Variants in RAD51B observed in about 807,000 individuals in gnomAD.
RAD51B encodes DNA repair protein RAD51 homolog 2.
A neutral mutation model predicts 42.2 loss-of-function variants in RAD51B; 38 were observed. The ratio of observed to expected loss-of-function variants is 0.90; its 90% CI spans 0.70 to 1.18. The LOEUF is 1.18. RAD51B is among the 50% of genes most tolerant of loss of function. The pLI is 0.00. For missense variants in RAD51B, 373 were observed against 400.7 expected (o/e 0.93, Z 0.59); for synonymous variants, 154 against 145.2 (o/e 1.06, Z -0.43).
intron 7 of RAD51B, among the ~76,000 whole-genome samples, chr14:67,899,406 C>G (rs2043537914): frequency 1.3e-5 from 2 of 152,068 alleles, no homozygotes. Context: ...AAAAGTGAAA[C>G]ATTTGCATTA....
chr14:68,365,567 G>A (rs1566835737), intron 8 of RAD51B, among the ~76,000 whole-genome samples: 1 of 152,212 alleles, frequency 6.6e-6, no homozygotes, highest in Non-Finnish European at 1.5e-5. Context: ...TTCAAAGCTT[G>A]AGATTAAAAC....
chr14:68,293,946 A>T (rs954446763), intron 8 of RAD51B, among the ~76,000 whole-genome samples: 1 of 152,244 alleles, frequency 6.6e-6, no homozygotes, highest in Admixed American at 6.5e-5. Flanking sequence ...ATACTTCAGA[A>T]GAACAGTGAC....
At chr14:68,406,360 A>G (rs1171922490) in intron 8 of RAD51B, among the ~76,000 whole-genome samples, 2 of 152,242 alleles carry the variant, frequency 1.3e-5, no homozygotes, top group Non-Finnish European at 2.9e-5. Flanking sequence ...CTCCTAGTCT[A>G]CAGACCCATT....
chr14:68,253,253 T>G (rs978647526), intron 7 of RAD51B, among the ~76,000 whole-genome samples: 3 of 152,174 alleles, frequency 2.0e-5, no homozygotes, highest in African/African-American at 7.2e-5. Flanking sequence ...ATTTGTTTAT[T>G]AACAAAATTG....
At chr14:68,304,649 T>C (rs1251496287) in intron 8 of RAD51B, among the ~76,000 whole-genome samples, 4 of 152,228 alleles carry the variant, frequency 2.6e-5, no homozygotes, top group African/African-American at 9.6e-5. Context: ...GCATTTAGAA[T>C]TGGGAGACTT....
chr14:67,846,405 G>C (rs2041616343), intron 4 of RAD51B, among the ~76,000 whole-genome samples: 1 of 152,196 alleles, frequency 6.6e-6, no homozygotes, highest in Non-Finnish European at 1.5e-5. Context: ...GGCATAGTGG[G>C]ATGCATATGC....
chr14:67,837,010 G>A (rs2041266137), intron 4 of RAD51B, among the ~76,000 whole-genome samples: 2 of 151,922 alleles, frequency 1.3e-5, no homozygotes, highest in Admixed American at 6.6e-5. Flanking sequence ...CTTGGAGATA[G>A]GGACCCTGTT....
intron 8 of RAD51B, among the ~76,000 whole-genome samples, chr14:68,378,324 TCTTTCC>T (rs1266144986): frequency 1.3e-5 from 2 of 152,224 alleles, no homozygotes; most frequent in African/African-American, 4.8e-5. Flanking sequence ...TCCCAATAGC[TCTTTCC>T]CTTTCCCTTT....
intron 7 of RAD51B, among the ~76,000 whole-genome samples, chr14:67,971,957 A>G (rs1162188992): frequency 6.6e-6 from 1 of 151,568 alleles, no homozygotes; most frequent in African/African-American, 2.4e-5. Flanking sequence ...GCATTACCAC[A>G]ACAGTGCATT....
At chr14:68,428,707 T>TTATATATATA (rs532906803) in intron 9 of RAD51B, among the ~76,000 whole-genome samples, 2 of 99,592 alleles carry the variant, frequency 2.0e-5, no homozygotes, top group African/African-American at 9.6e-5. Context: ...AGGATTTTCT[T>TTATATATATA]TATATATATA....
At chr14:68,379,098 A>G (rs1234931599) in intron 8 of RAD51B, among the ~76,000 whole-genome samples, 2 of 152,192 alleles carry the variant, frequency 1.3e-5, no homozygotes, top group African/African-American at 2.4e-5. Context: ...GGAGCTTCTC[A>G]TTCAAGGATA....
chr14:68,589,102 C>T (rs911525256), intron 10 of RAD51B, among the ~76,000 whole-genome samples: 3 of 152,160 alleles, frequency 2.0e-5, no homozygotes, highest in African/African-American at 7.2e-5. Context: ...TTGAAGACAG[C>T]CATGCATGTC....
intron 10 of RAD51B, among the ~76,000 whole-genome samples, chr14:68,650,011 T>G (rs1319797434): frequency 1.3e-5 from 2 of 152,208 alleles, no homozygotes; most frequent in Admixed American, 6.5e-5. Flanking sequence ...TCTTGGCCCA[T>G]TGGTCTGGGA....
chr14:67,863,800 A>G (rs1418250975), intron 4 of RAD51B, among the ~76,000 whole-genome samples: 1 of 152,204 alleles, frequency 6.6e-6, no homozygotes, highest in African/African-American at 2.4e-5. Flanking sequence ...TAACTACTGT[A>G]TTAGTTCATT....
intron 7 of RAD51B, among the ~76,000 whole-genome samples, chr14:68,216,615 C>T (rs532111273): frequency 2.0e-4 from 31 of 152,248 alleles, no homozygotes; most frequent in Admixed American, 3.3e-4. Context: ...TTAAAGAATC[C>T]CATCTAAGTT....
At chr14:68,494,799 C>T (rs541283846) in intron 10 of RAD51B, among the ~76,000 whole-genome samples, 13 of 151,976 alleles carry the variant, frequency 8.6e-5, no homozygotes, top group Admixed American at 3.3e-4. Context: ...AGTTAATGAT[C>T]GGGAAAGTTT....
At position 68,273,417 on chromosome 14, in the gene RAD51B, G is replaced by A. The variant is rs112760858; in HGVS notation, c.757-18467G>A. On this transcript the variant is annotated intron_variant, in intron 7 of 10. Coordinates refer to ENST00000471583, the MANE Select transcript of RAD51B (RefSeq NM_133510.4). ...AATGCCAAATTATTGATCCTACAGT[G>A]TAAAATTAAGCTGTTCTATCCACTG... Among the ~76,000 whole-genome samples the A allele has an allele frequency of 5.3e-3, 807 of 152,334 alleles. 7 individuals carry two copies. Among genetic ancestry groups the A allele is most frequent in the Middle Eastern group, 0.01 (3 of 294 alleles).
At chr14:68,483,658 C>G (rs925888614) in intron 10 of RAD51B, among the ~76,000 whole-genome samples, 5 of 152,340 alleles carry the variant, frequency 3.3e-5, no homozygotes, top group South Asian at 4.1e-4. Flanking sequence ...CTTCAAAGCC[C>G]TGTGACTTTT....
chr14:68,062,387 A>G (rs1414092039), intron 7 of RAD51B, among the ~76,000 whole-genome samples: 2 of 152,162 alleles, frequency 1.3e-5, no homozygotes, highest in Non-Finnish European at 2.9e-5. Flanking sequence ...TGGTTTTGGT[A>G]TCAGGGTAAT....
Sources: allele counts gnomAD v4.1 joint callset (sites outside exome capture counted in the v4.1 genomes callset), GRCh38; gene constraint gnomAD v4.1.1; transcripts MANE v1.5; gene names NCBI Gene and HGNC (gene_info 2026-07-23, HGNC 2026-07-21).